TBCCD1: variants seen among roughly 807,000 people sequenced by gnomAD.
TBCCD1 encodes the protein TBCC domain-containing protein 1.
Under a neutral mutation model 53.4 loss-of-function variants are expected in TBCCD1, and 26 were observed. That is an observed-to-expected ratio of 0.49 (90% CI 0.36 to 0.68). The LOEUF (loss-of-function observed/expected upper bound fraction) is 0.68. Ranked by LOEUF, TBCCD1 falls within the 30% of genes least tolerant of loss-of-function variation. The pLI, the probability that TBCCD1 is intolerant of heterozygous loss-of-function variation, is 0.00. For synonymous variants in TBCCD1, 245 were observed against 241.7 expected, an observed-to-expected ratio of 1.01 and a Z score of -0.13; for missense variants, 558 against 669.5, an observed-to-expected ratio of 0.83 and a Z score of 1.84.
At chr3:186,547,325 A>C (rs1714243136) in intron 7 of TBCCD1, among the ~76,000 whole-genome samples, 1 of 150,024 alleles carries the variant, frequency 6.7e-6, no homozygotes, top group South Asian at 2.1e-4. Context: ...CAGTGCAATC[A>C]TAGCTCACTG....
chr3:186,554,182 A>T, intron 6 of TBCCD1, 72 bp downstream of exon 6: 1 of 1,581,420 alleles, frequency 6.3e-7, no homozygotes. Flanking sequence ...AGCTGTAAAA[A>T]TGTGCAGACT....
intron 3 of TBCCD1, among the ~76,000 whole-genome samples, chr3:186,557,366 G>T (rs1714572517): frequency 6.6e-6 from 1 of 152,184 alleles, no homozygotes; most frequent in African/African-American, 2.4e-5. Flanking sequence ...AGGCAGAAAT[G>T]AATGGAGGCT....
At chr3:186,558,085 G>A (rs1458581872) in intron 3 of TBCCD1, among the ~76,000 whole-genome samples, 1 of 152,088 alleles carries the variant, frequency 6.6e-6, no homozygotes, top group Non-Finnish European at 1.5e-5. Flanking sequence ...GATTTTGCAA[G>A]CACTCCATCT....
At chr3:186,562,620 G>A (rs1320565663) in intron 2 of TBCCD1, among the ~76,000 whole-genome samples, 3 of 151,872 alleles carry the variant, frequency 2.0e-5, no homozygotes, top group African/African-American at 7.3e-5. Flanking sequence ...ACAGCATACC[G>A]CCTAGAGATA....
intron 7 of TBCCD1, among the ~76,000 whole-genome samples, chr3:186,547,680 C>T (rs745686702): frequency 1.4e-4 from 21 of 150,628 alleles, no homozygotes; most frequent in Non-Finnish European, 8.8e-5. Context: ...GCTCTCGGCT[C>T]ACTGCAAGCT....
intron 7 of TBCCD1, among the ~76,000 whole-genome samples, chr3:186,548,949 T>C (rs1428860248): frequency 6.6e-6 from 1 of 152,236 alleles, no homozygotes; most frequent in Non-Finnish European, 1.5e-5. Flanking sequence ...CAAAACATCA[T>C]GCTGGAAATG....
chr3:186,561,942 T>C (rs952930861), intron 2 of TBCCD1, among the ~76,000 whole-genome samples: 3 of 152,240 alleles, frequency 2.0e-5, no homozygotes, highest in Admixed American at 6.5e-5. Flanking sequence ...TGCAGCATTA[T>C]TGATAATGGC....
intron 3 of TBCCD1, 134 bp from the exon 4 acceptor site, chr3:186,556,909 A>G: frequency 6.2e-6 from 7 of 1,137,892 alleles, no homozygotes; most frequent in Non-Finnish European, 8.5e-6. Flanking sequence ...TAAACCTTAT[A>G]AAGGTGATCC....
intron 4 of TBCCD1, among the ~76,000 whole-genome samples, chr3:186,556,168 T>C (rs928146526): frequency 6.6e-6 from 1 of 152,212 alleles, no homozygotes; most frequent in African/African-American, 2.4e-5. Context: ...TATGGTTATT[T>C]AGAAAAATAA....
At chr3:186,569,379 C>A (rs566646287), upstream of TBCCD1, among the ~76,000 whole-genome samples, 1 of 151,852 alleles carries the variant, frequency 6.6e-6, no homozygotes, top group South Asian at 2.1e-4. Context: ...AGTGCAGTGG[C>A]AGGAACTCGG....
intron 4 of TBCCD1, 77 bp from the exon 5 acceptor site, chr3:186,555,161 C>A: frequency 7.3e-7 from 1 of 1,377,790 alleles, no homozygotes. Context: ...GGTTACACGT[C>A]TACATGTATA....
intron 1 of TBCCD1, among the ~76,000 whole-genome samples, chr3:186,566,508 A>G (rs1377215362): frequency 1.3e-5 from 2 of 151,610 alleles, no homozygotes; most frequent in African/African-American, 4.8e-5. Context: ...ATTTTCGATG[A>G]AAAAAAAATG....
upstream of TBCCD1, among the ~76,000 whole-genome samples, chr3:186,569,757 G>A (rs914709286): frequency 2.0e-5 from 3 of 152,026 alleles, no homozygotes; most frequent in African/African-American, 4.8e-5. Context: ...GATACACTGT[G>A]ACCCAGAATC....
At chr3:186,554,131 AG>A in intron 6 of TBCCD1, 122 bp downstream of exon 6, 1 of 1,380,086 alleles carries the variant, frequency 7.2e-7, no homozygotes, top group Non-Finnish European at 9.9e-7. Flanking sequence ...TATAGGCGTG[AG>A]CCACCGCGCC....
upstream of TBCCD1, among the ~76,000 whole-genome samples, chr3:186,569,382 G>A (rs955648905): frequency 6.6e-6 from 1 of 151,726 alleles, no homozygotes; most frequent in African/African-American, 2.4e-5. Context: ...GCAGTGGCAG[G>A]AACTCGGCTC....
chr3:186,567,014 T>C (rs1431095241), intron 1 of TBCCD1, among the ~76,000 whole-genome samples: 1 of 152,178 alleles, frequency 6.6e-6, no homozygotes, highest in Non-Finnish European at 1.5e-5. Context: ...GTTAAGGTTT[T>C]TCAGGTCGGG....
intron 3 of TBCCD1, among the ~76,000 whole-genome samples, chr3:186,557,263 C>T (rs989942142): frequency 2.6e-5 from 4 of 152,172 alleles, no homozygotes; most frequent in African/African-American, 4.8e-5. Flanking sequence ...CAGAAACATG[C>T]ATTATTATCC....
upstream of TBCCD1, among the ~76,000 whole-genome samples, chr3:186,568,918 AT>A (rs59810253): frequency 0.14 from 19,518 of 143,184 alleles, 1,799 homozygotes; most frequent in African/African-American, 0.24. Flanking sequence ...AAAAAAAGAA[AT>A]AAAGAAAAGA....
upstream of TBCCD1, chr3:186,570,541 C>T (rs1358317363): frequency 6.1e-6 from 3 of 492,974 alleles, no homozygotes; most frequent in South Asian, 6.9e-5. Context: ...GACCCTCTGA[C>T]GTCTCCGCTT....
Sources: gnomAD v4.1 joint callset for allele counts (sites outside exome capture counted in the v4.1 genomes callset) on GRCh38, gnomAD v4.1.1 for gene constraint, MANE v1.5 for transcripts, NCBI Gene and HGNC (gene_info 2026-07-23, HGNC 2026-07-21) for gene names.